Variants in CA1 observed in about 807,000 individuals in gnomAD.
The protein encoded by CA1 is carbonate dehydratase I.
In CA1, 27 loss-of-function variants were observed where a neutral mutation model predicts 28.8. The ratio of observed to expected loss-of-function variants is 0.94; its 90% confidence interval spans 0.69 to 1.29. The LOEUF (loss-of-function observed/expected upper bound fraction) is 1.29, where lower values mean the gene tolerates loss of function less well. Among genes scored for constraint, CA1 ranks in the 50% most tolerant of loss-of-function variants. CA1 has a pLI of 0.00. For missense variants in CA1, 335 were observed against 310.5 expected (o/e 1.08, Z -0.59); for synonymous variants, 121 against 108.8 (o/e 1.11, Z -0.70).
chr8:85,364,504 G>A (rs189896297), intron 1 of CA1, among the ~76,000 whole-genome samples: 2 of 152,226 alleles, frequency 1.3e-5, no homozygotes, highest in African/African-American at 4.8e-5. Context: ...AAACACTTTT[G>A]TTAAATATTG....
At chr8:85,348,566 T>C (rs1234783369) in intron 1 of CA1, among the ~76,000 whole-genome samples, 4 of 152,182 alleles carry the variant, frequency 2.6e-5, no homozygotes, top group African/African-American at 9.6e-5. Context: ...AAGTACATTA[T>C]AGAGGTCCTC....
At chr8:85,341,146 G>GAA (rs35381641) in intron 2 of CA1, 39 of 152,608 alleles carry the variant, frequency 2.6e-4, no homozygotes, top group Non-Finnish European at 3.9e-4. Context: ...CTGTGTCAAA[G>GAA]AAAAAAAAAT....
chr8:85,376,512 A>G (rs1810421347), intron 1 of CA1, among the ~76,000 whole-genome samples: 1 of 151,576 alleles, frequency 6.6e-6, no homozygotes, highest in Admixed American at 6.6e-5. Flanking sequence ...AAATACAAAA[A>G]TTAGACGGGC....
intron 6 of CA1, 148 bp from the exon 7 acceptor site, chr8:85,329,992 C>A: frequency 1.4e-6 from 1 of 690,156 alleles, no homozygotes; most frequent in Non-Finnish European, 2.5e-6. Context: ...TATTTCATGA[C>A]TGGCGTGTTT....
At chr8:85,352,044 C>A (rs1809430870) in intron 1 of CA1, among the ~76,000 whole-genome samples, 2 of 152,144 alleles carry the variant, frequency 1.3e-5, no homozygotes, top group Non-Finnish European at 2.9e-5. Flanking sequence ...CTGTCTCAGG[C>A]ACCACAACTT....
chr8:85,347,247 T>C (rs924144), intron 1 of CA1, among the ~76,000 whole-genome samples: 151,988 of 152,328 alleles, frequency 1, 75,824 homozygotes, highest in East Asian at 1. Flanking sequence ...CCTGCTTCAG[T>C]GTCACCTGAA....
intron 1 of CA1, among the ~76,000 whole-genome samples, chr8:85,369,377 G>A (rs1319754276): frequency 6.6e-6 from 1 of 152,042 alleles, no homozygotes; most frequent in Non-Finnish European, 1.5e-5. Flanking sequence ...GGCTTGCCTA[G>A]GATGCATCTC....
chr8:85,343,320 C>G (rs1317888553), intron 1 of CA1: 1 of 152,170 alleles, frequency 6.6e-6, no homozygotes, highest in Non-Finnish European at 1.5e-5. Flanking sequence ...TTGCAAGTGG[C>G]TGCTTATATC....
intron 1 of CA1, among the ~76,000 whole-genome samples, chr8:85,358,834 G>A (rs1406088194): frequency 1.3e-5 from 2 of 152,220 alleles, no homozygotes; most frequent in African/African-American, 2.4e-5. Context: ...GGAGAGCAAG[G>A]TGCTGGCATT....
intron 2 of CA1, among the ~76,000 whole-genome samples, chr8:85,340,662 AAAGG>A (rs1435533679): frequency 6.6e-6 from 1 of 152,206 alleles, no homozygotes; most frequent in African/African-American, 2.4e-5. Context: ...AGTTGTCTGG[AAAGG>A]ATTCACCATT....
intron 6 of CA1, 142 bp from the exon 7 acceptor site, chr8:85,329,986 T>A (rs1327913049): frequency 2.8e-6 from 2 of 707,104 alleles, no homozygotes; most frequent in Non-Finnish European, 2.4e-6. Context: ...ATTTAGTATT[T>A]CATGACTGGC....
chr8:85,330,485 C>T (rs75144311), intron 6 of CA1, among the ~76,000 whole-genome samples: 4,405 of 152,010 alleles, frequency 0.029, 215 homozygotes, highest in African/African-American at 0.1. Flanking sequence ...TGACTAGGAC[C>T]CTTATTATAA....
rs562435188 is a variant in CA1 at position 85,352,850 on chromosome 8, G to A, written c.-24-11191C>T. Reference sequence around the variant, plus strand: ...TTGGCTAATTTTTGTATTTTTAATAGAGATGGGGTTTTGCCAAGTTGGACA... The same window carrying A: ...TTGGCTAATTTTTGTATTTTTAATAAAGATGGGGTTTTGCCAAGTTGGACA... On this transcript the variant is annotated intron_variant, in intron 1 of 7. Coordinates refer to ENST00000523022, the MANE Select transcript of CA1 (RefSeq NM_001128831.4). Among the ~76,000 whole-genome samples the A allele has an allele frequency of 5.9e-5, 9 of 152,164 alleles. No homozygotes were observed. The East Asian group carries it at 1.7e-3, about 29-fold the overall frequency.
chr8:85,347,326 A>C (rs1809234981), intron 1 of CA1, among the ~76,000 whole-genome samples: 1 of 152,214 alleles, frequency 6.6e-6, no homozygotes, highest in East Asian at 1.9e-4. Flanking sequence ...TGGCCAGTTT[A>C]GATGATCAAC....
At chr8:85,337,982 C>T in intron 3 of CA1, 2 of 573,480 alleles carry the variant, frequency 3.5e-6, no homozygotes, top group Non-Finnish European at 6.4e-6. Flanking sequence ...TATTCAGAGA[C>T]AGTGAAGTGA....
intron 1 of CA1, among the ~76,000 whole-genome samples, chr8:85,345,530 A>G (rs1809143440): frequency 6.6e-6 from 1 of 152,094 alleles, no homozygotes; most frequent in African/African-American, 2.4e-5. Context: ...TGTTCTCTTC[A>G]TCTATAATAT....
chr8:85,337,135 A>G, intron 3 of CA1, 72 bp from the exon 4 acceptor site: 3 of 858,432 alleles, frequency 3.5e-6, no homozygotes, highest in Non-Finnish European at 6.1e-6. Flanking sequence ...TTTAATATAA[A>G]CCAACACTAA....
At chr8:85,342,299 A>G (rs1339333064) in intron 1 of CA1, among the ~76,000 whole-genome samples, 1 of 152,190 alleles carries the variant, frequency 6.6e-6, no homozygotes, top group Non-Finnish European at 1.5e-5. Context: ...TATTTTATAC[A>G]TCAAATAGGT....
intron 1 of CA1, among the ~76,000 whole-genome samples, chr8:85,358,051 T>G: frequency 6.6e-6 from 1 of 152,250 alleles, no homozygotes; most frequent in East Asian, 1.9e-4. Context: ...ATTAGCATTA[T>G]AGTTTATGAG....
Sources: gnomAD v4.1 joint callset for allele counts (sites outside exome capture counted in the v4.1 genomes callset) on GRCh38, gnomAD v4.1.1 for gene constraint, MANE v1.5 for transcripts, NCBI Gene and HGNC (gene_info 2026-07-23, HGNC 2026-07-21) for gene names.